The following GGT1 variants were observed in gnomAD, a reference collection of about 807,000 sequenced individuals.
GGT1 encodes gamma-glutamyltransferase 1, also known as glutathione hydrolase 1 proenzyme.
A neutral mutation model predicts 56.0 loss-of-function variants in GGT1; 21 were observed. The observed-to-expected ratio is 0.38, with a 90% confidence interval of 0.27 to 0.54. The LOEUF (loss-of-function observed/expected upper bound fraction) is 0.54, where lower values mean the gene tolerates loss of function less well. GGT1 is among the 20% of genes least tolerant of loss of function. The pLI is 0.82. For synonymous variants in GGT1, 238 were observed against 342.6 expected, an observed-to-expected ratio of 0.69 and a Z score of 3.37; for missense variants, 466 against 787.0, an observed-to-expected ratio of 0.59 and a Z score of 4.88.
the GGT1 span, chr22:24,589,145 T>G: frequency 8.8e-7 from 1 of 1,141,108 alleles, no homozygotes; most frequent in South Asian, 1.8e-5. Context: ...TGGTTTTGGT[T>G]GGGGACTCAC....
chr22:24,602,384 G>A (rs372026286), upstream of GGT1, among the ~76,000 whole-genome samples: 165 of 152,318 alleles, frequency 1.1e-3, 3 homozygotes, highest in South Asian at 0.033. Flanking sequence ...AGGATTTGAT[G>A]GGAGAATGAA....
At chr22:24,626,924 T>C (rs5751465) in intron 11 of GGT1, among the ~76,000 whole-genome samples, 100,825 of 144,116 alleles carry the variant, frequency 0.7, 35,066 homozygotes, top group Non-Finnish European at 0.74. Flanking sequence ...CCTCAGGGCC[T>C]TTGCACTGAC....
upstream of GGT1, among the ~76,000 whole-genome samples, chr22:24,590,284 T>C (rs1244303644): frequency 3.9e-5 from 6 of 152,022 alleles, no homozygotes; most frequent in Admixed American, 3.9e-4. Flanking sequence ...GGCACCACTA[T>C]GCTCAGCTAA....
At chr22:24,586,153 C>T in the GGT1 span, 1 of 1,613,516 alleles carries the variant, frequency 6.2e-7, no homozygotes, top group East Asian at 2.2e-5. Context: ...CATCAGTGAG[C>T]TTGCGGGCAG....
At chr22:24,627,296 G>C in intron 11 of GGT1, 136 bp from the exon 12 acceptor site, 1 of 1,323,870 alleles carries the variant, frequency 7.6e-7, no homozygotes. Context: ...GCCTGCCCTT[G>C]GGTCCTGGGG....
Position 24,621,070 on chromosome 22 carries a change from G to A in GGT1, c.733G>A (p.Gly245Arg), listed in dbSNP as rs923754860. ...AQIVKDIQAA[G>R]GIVTAEDLNN... Reference sequence around the variant, plus strand: ...GATTGTGAAGGACATCCAGGCGGCCGGTGAGTGGGTAACCTCAGGGGCCTG... The same window carrying A: ...GATTGTGAAGGACATCCAGGCGGCCAGTGAGTGGGTAACCTCAGGGGCCTG... The change falls in exon 9 of 16, where the codon GGG becomes AGG. Residue 245 changes from glycine (G) to arginine (R), a missense_variant and splice_region_variant. Around this residue, in one of 2 missense-constraint regions of GGT1, gnomAD observed 456 missense variants for 716.7 expected, o/e 0.64. Coordinates refer to ENST00000400382, the MANE Select transcript of GGT1 (RefSeq NM_001288833.2). The A allele has an allele frequency of 5.1e-6, 8 of 1,570,622 alleles. No homozygotes were observed. Among genetic ancestry groups the A allele is most frequent in the South Asian group, 2.3e-5 (2 of 86,724 alleles).
At chr22:24,589,660 A>C in the GGT1 span, 8 of 828,078 alleles carry the variant, frequency 9.7e-6, no homozygotes, top group African/African-American at 7.0e-5. Context: ...CCAGCCTAAT[A>C]TACTGATGCT....
chr22:24,612,278 ATTTC>A (rs1204491520), intron 5 of GGT1, among the ~76,000 whole-genome samples: 11 of 135,072 alleles, frequency 8.1e-5, no homozygotes, highest in East Asian at 2.1e-4. Context: ...TTAGGAGACA[ATTTC>A]TTTCTTTCTT....
chr22:24,611,299 G>C (rs2046638926), intron 5 of GGT1, 54 bp downstream of exon 5: 4 of 1,063,284 alleles, frequency 3.8e-6, no homozygotes, highest in Non-Finnish European at 5.7e-6. Context: ...AAGTGGACCT[G>C]AGCAATACCT....
chr22:24,594,454 G>C (rs562022315), upstream of GGT1, among the ~76,000 whole-genome samples: 4 of 150,828 alleles, frequency 2.7e-5, no homozygotes, highest in South Asian at 6.3e-4. Flanking sequence ...AAGATTCAAG[G>C]TTCCTTCCTT....
chr22:24,615,547 A>T (rs1300718641), intron 7 of GGT1, among the ~76,000 whole-genome samples: 1 of 152,130 alleles, frequency 6.6e-6, no homozygotes, highest in Non-Finnish European at 1.5e-5. Flanking sequence ...AGGTCACGCA[A>T]ATCAGTTGAG....
intron 2 of GGT1, among the ~76,000 whole-genome samples, chr22:24,608,266 G>A (rs1283990459): frequency 6.6e-6 from 1 of 152,216 alleles, no homozygotes; most frequent in Non-Finnish European, 1.5e-5. Context: ...GTGGGAGGCT[G>A]GGCCCACCCT....
At chr22:24,611,551 T>TATCTATCTATCTATC (rs2046676590) in intron 5 of GGT1, among the ~76,000 whole-genome samples, 1 of 31,254 alleles carries the variant, frequency 3.2e-5, no homozygotes, top group African/African-American at 7.7e-5. Context: ...ATCATCTATC[T>TATCTATCTATCTATC]ATCTATCTAT....
In GGT1 at chr22:24,611,658, G is replaced by A. The variant is rs185374192; in HGVS notation, c.164+413G>A. Among the ~76,000 whole-genome samples the A allele has an allele frequency of 5.3e-5, 8 of 151,886 alleles. No individual in the cohort carries two copies. The East Asian group carries it at 1.5e-3, about 29-fold the overall frequency. On this transcript the variant is annotated intron_variant, in intron 5 of 15. Coordinates refer to ENST00000400382, the MANE Select transcript of GGT1 (RefSeq NM_001288833.2). ...TTTTGCTCTGTTGCCAGGCTGGAGT[G>A]CAGTGGTGCAATCTCAGTTAACTGC...
chr22:24,617,150 A>G (rs1464048977), intron 7 of GGT1, among the ~76,000 whole-genome samples: 1 of 152,174 alleles, frequency 6.6e-6, no homozygotes, highest in Non-Finnish European at 1.5e-5. Context: ...GGGACTGTAT[A>G]GAGGGTGACC....
Position 24,611,171 on chromosome 22 carries a change from C to T in GGT1, c.90C>T (p.Ser30=), listed in dbSNP as rs761590216. The change falls in exon 5 of 16, where the codon TCC becomes TCT. Residue 30 remains serine (S), a synonymous_variant. Transcript: ENST00000400382. The stretch of plus-strand genomic sequence containing the variant: ...TCTGTCTCTGGCTGCCCTCAGCCTC[C>T]AAGGAACCTGACAACCATGTGTACA... ...VGLCLWLPSA[S]KEPDNHVYTR... is the part of the protein sequence containing the mutation. 3.8e-6 allele frequency: 6 copies of T among 1,595,436 alleles called. No individual in the cohort carries two copies. The highest frequency in any genetic ancestry group is 5.1e-6 in the Non-Finnish European group (6 of 1,171,390).
chr22:24,605,609 TATATATA>T (rs2046149795), intron 1 of GGT1, among the ~76,000 whole-genome samples: 2 of 46,894 alleles, frequency 4.3e-5, no homozygotes, highest in Non-Finnish European at 5.9e-5. Context: ...ATGTGTATTA[TATATATA>T]ATATTATATA....
chr22:24,625,611 G>A (rs796931192), intron 11 of GGT1, among the ~76,000 whole-genome samples: 2 of 151,056 alleles, frequency 1.3e-5, no homozygotes, highest in East Asian at 2.0e-4. Context: ...GCGCTATCTC[G>A]GCTCACTGTA....
rs2045824277 is a variant in GGT1 at position 24,603,411 on chromosome 22, G to A, written c.-545G>A. ...TGCCATATGCTTGCTGCGCTCTAGA[G>A]GAGTTCCTCTTCCTCTCCAAGCCTC... is the stretch of plus-strand genomic sequence containing the variant. On this transcript the variant is annotated 5_prime_UTR_variant, in exon 1 of 16. Transcript: ENST00000400382. 1 of 152,302 alleles carries A rather than the reference G, an allele frequency of 6.6e-6. No homozygotes were observed. Among genetic ancestry groups the A allele is most frequent in the African/African-American group, 2.4e-5 (1 of 41,444 alleles). The allele number at this position is 152,302 out of a possible 1,614,324, so 9.4% of individuals were successfully genotyped here. A position where few individuals can be genotyped will look rare whatever the true frequency, so the allele number is the denominator to read the frequency against.
Sources: allele counts gnomAD v4.1 joint callset (sites outside exome capture counted in the v4.1 genomes callset), GRCh38; gene constraint gnomAD v4.1.1; regional missense constraint gnomAD v4.1.1; transcripts MANE v1.5; gene names NCBI Gene and HGNC (gene_info 2026-07-23, HGNC 2026-07-21).